Variants in LIPC observed in about 807,000 individuals in gnomAD.
The protein encoded by LIPC is hepatic triacylglycerol lipase.
A neutral mutation model predicts 50.7 loss-of-function variants in LIPC; 44 were observed. The observed-to-expected ratio is 0.87, with a 90% confidence interval of 0.68 to 1.11. The LOEUF (loss-of-function observed/expected upper bound fraction) is 1.11, where lower values mean the gene tolerates loss of function less well. Ranked by LOEUF, LIPC falls within the 50% of genes most tolerant of loss-of-function variation. The pLI is 0.00. For synonymous variants in LIPC, 271 were observed against 256.4 expected, an observed-to-expected ratio of 1.06 and a Z score of -0.54; for missense variants, 697 against 648.2, an observed-to-expected ratio of 1.08 and a Z score of -0.82.
intron 1 of LIPC, among the ~76,000 whole-genome samples, chr15:58,458,127 C>A (rs1894203202): frequency 6.6e-6 from 1 of 151,738 alleles, no homozygotes; most frequent in Non-Finnish European, 1.5e-5. Context: ...ACATAAGCAC[C>A]TGTTTCCGTT....
chr15:58,473,627 T>G (rs1232151000), intron 1 of LIPC: 1 of 152,242 alleles, frequency 6.6e-6, no homozygotes, highest in East Asian at 1.9e-4. Flanking sequence ...TTGGCTAAAA[T>G]TACCTGTGTA....
chr15:58,467,137 A>G (rs1431906033), intron 1 of LIPC, among the ~76,000 whole-genome samples: 1 of 152,202 alleles, frequency 6.6e-6, no homozygotes, highest in Non-Finnish European at 1.5e-5. Context: ...CCAAATGTTT[A>G]CTGACCCTGG....
intron 1 of LIPC, among the ~76,000 whole-genome samples, chr15:58,449,259 C>A (rs1468275543): frequency 6.6e-6 from 1 of 152,152 alleles, no homozygotes; most frequent in Non-Finnish European, 1.5e-5. Flanking sequence ...TGTTGGCAGC[C>A]ATCGATTAGG....
intron 1 of LIPC, among the ~76,000 whole-genome samples, chr15:58,483,578 C>T (rs1423405078): frequency 6.6e-6 from 1 of 152,136 alleles, no homozygotes; most frequent in Non-Finnish European, 1.5e-5. Context: ...TATCACCATC[C>T]AGCATTCACA....
At chr15:58,547,738 C>A (rs1893587008) in intron 5 of LIPC, among the ~76,000 whole-genome samples, 1 of 151,788 alleles carries the variant, frequency 6.6e-6, no homozygotes, top group African/African-American at 2.4e-5. Context: ...CTTCCAAATC[C>A]AATTCTTGTG....
chr15:58,473,694 C>T (rs1181800724), intron 1 of LIPC: 1 of 151,636 alleles, frequency 6.6e-6, no homozygotes, highest in Non-Finnish European at 1.5e-5. Context: ...CTGCATTCTT[C>T]ACACAGCACT....
intron 1 of LIPC, among the ~76,000 whole-genome samples, chr15:58,536,321 G>A (rs1345410923): frequency 6.6e-6 from 1 of 152,082 alleles, no homozygotes; most frequent in Non-Finnish European, 1.5e-5. Context: ...GGGGGATGAG[G>A]GATCATCACT....
chr15:58,482,830 A>G (rs989445772), intron 1 of LIPC, among the ~76,000 whole-genome samples: 1 of 152,212 alleles, frequency 6.6e-6, no homozygotes, highest in Non-Finnish European at 1.5e-5. Flanking sequence ...GAAAGGGCCC[A>G]GGTTTAGACA....
Position 58,443,102 on chromosome 15 carries a change from G to A in LIPC, c.88+10982G>A, listed in dbSNP as rs182060502. Among the ~76,000 whole-genome samples, 131 of 152,072 alleles carry A rather than the reference G, an allele frequency of 8.6e-4. 1 individual carries two copies. The highest frequency in any genetic ancestry group is 2.6e-3 in the African/African-American group (109 of 41,456). ...TAATTTTTCTGTTTTTAGTTTAGTCGGGGTTTCTCCATGTTGGCCAGGCTG... is the reference window on the plus strand; with the variant it reads ...TAATTTTTCTGTTTTTAGTTTAGTCAGGGTTTCTCCATGTTGGCCAGGCTG... On this transcript the variant is annotated intron_variant, in intron 1 of 8. Transcript: ENST00000299022.
chr15:58,526,596 A>G (rs1406293874), intron 1 of LIPC, among the ~76,000 whole-genome samples: 2 of 152,228 alleles, frequency 1.3e-5, no homozygotes, highest in Admixed American at 1.3e-4. Flanking sequence ...CAAGCTACAC[A>G]GCTAAGGCAG....
intron 1 of LIPC, among the ~76,000 whole-genome samples, chr15:58,485,503 G>C (rs760888060): frequency 2.4e-4 from 32 of 131,370 alleles, no homozygotes; most frequent in Non-Finnish European, 4.9e-4. Flanking sequence ...CAGGGCTCCA[G>C]ACCCTCGCAC....
chr15:58,511,438 A>G (rs1376057158), intron 1 of LIPC, among the ~76,000 whole-genome samples: 1 of 152,114 alleles, frequency 6.6e-6, no homozygotes, highest in African/African-American at 2.4e-5. Flanking sequence ...GCATTTACCC[A>G]TACGTGGGGC....
In LIPC at chr15:58,451,559, G is replaced by A. The variant is rs79180630; in HGVS notation, c.88+19439G>A. Among the ~76,000 whole-genome samples the A allele has an allele frequency of 8.3e-3, 1,268 of 152,210 alleles. 24 individuals carry two copies. The highest frequency in any genetic ancestry group is 0.029 in the African/African-American group (1,212 of 41,516). ...ATGTTCCAGAAATGATTCTGGCCAGGTGTCCACCCCTGAATAGATGGCCAC... is the reference window on the plus strand; with the variant it reads ...ATGTTCCAGAAATGATTCTGGCCAGATGTCCACCCCTGAATAGATGGCCAC... On this transcript the variant is annotated intron_variant, in intron 1 of 8. Coordinates refer to ENST00000299022, the MANE Select transcript of LIPC (RefSeq NM_000236.3).
At chr15:58,477,424 G>T (rs1362402432) in intron 1 of LIPC, among the ~76,000 whole-genome samples, 1 of 152,342 alleles carries the variant, frequency 6.6e-6, no homozygotes, top group Middle Eastern at 3.4e-3. Context: ...GTTAGGGACA[G>T]AAATGAAAAG....
At chr15:58,473,907 T>C (rs552444521) in intron 1 of LIPC, 1 of 152,556 alleles carries the variant, frequency 6.6e-6, no homozygotes, top group South Asian at 2.1e-4. Context: ...CCTGCCAGAC[T>C]ATAGCTGTTT....
intron 6 of LIPC, among the ~76,000 whole-genome samples, chr15:58,549,847 G>A (rs575774078): frequency 3.9e-5 from 6 of 152,340 alleles, no homozygotes; most frequent in Non-Finnish European, 5.9e-5. Context: ...ATGGCAGCAC[G>A]CAGGTGAGGG....
At position 58,569,258 on chromosome 15, in the gene LIPC, T is replaced by C. The variant is rs1313655340; in HGVS notation, c.*431T>C. ...CAAGATTCTAATTAATCACCACTAG[T>C]TGTGTATACCAAATACACATCCTTT... is the stretch of plus-strand genomic sequence containing the variant. On this transcript the variant is annotated 3_prime_UTR_variant, in exon 9 of 9. Coordinates refer to ENST00000299022, the MANE Select transcript of LIPC (RefSeq NM_000236.3). 6.4e-6 allele frequency: 1 copy of C among 156,408 alleles called. No individual in the cohort carries two copies. Among genetic ancestry groups the C allele is most frequent in the Non-Finnish European group, 1.4e-5 (1 of 70,638 alleles). The allele number at this position is 156,408 out of a possible 1,614,324, so 9.7% of individuals were successfully genotyped here. A position where few individuals can be genotyped will look rare whatever the true frequency, so the allele number is the denominator to read the frequency against.
intron 1 of LIPC, among the ~76,000 whole-genome samples, chr15:58,449,142 C>T (rs1457063322): frequency 6.6e-6 from 1 of 152,210 alleles, no homozygotes; most frequent in Non-Finnish European, 1.5e-5. Flanking sequence ...GGCCCTTTGT[C>T]CTTCCTAGAT....
chr15:58,433,780 G>A (rs569259832), intron 1 of LIPC, among the ~76,000 whole-genome samples: 1 of 152,180 alleles, frequency 6.6e-6, no homozygotes, highest in African/African-American at 2.4e-5. Context: ...GGCCTAGTTT[G>A]TGCAAATGCT....
Sources: gnomAD v4.1 joint callset for allele counts (sites outside exome capture counted in the v4.1 genomes callset) on GRCh38, gnomAD v4.1.1 for gene constraint, MANE v1.5 for transcripts, NCBI Gene and HGNC (gene_info 2026-07-23, HGNC 2026-07-21) for gene names.